The following ZNF385D variants were observed in gnomAD, a reference collection of about 807,000 sequenced individuals.
The protein encoded by ZNF385D is zinc finger protein 385D, also known as zinc finger protein 659.
In ZNF385D, 15 loss-of-function variants were observed where a neutral mutation model predicts 35.8. The observed-to-expected ratio is 0.42, with a 90% CI of 0.28 to 0.64. The LOEUF is 0.64. ZNF385D is among the 30% of genes least tolerant of loss of function. The pLI is 0.23. For synonymous variants in ZNF385D, 212 were observed against 186.8 expected, an observed-to-expected ratio of 1.13 and a Z score of -1.10; for missense variants, 474 against 494.6, an observed-to-expected ratio of 0.96 and a Z score of 0.39.
intron 1 of ZNF385D, among the ~76,000 whole-genome samples, chr3:21,744,606 C>T (rs867406154): frequency 1.3e-5 from 2 of 152,086 alleles, no homozygotes; most frequent in African/African-American, 4.8e-5. Context: ...AAAGTGAAAG[C>T]TGAAAACTGA....
chr3:21,993,684 G>A (rs557364942), intron 3 of ZNF385D, among the ~76,000 whole-genome samples: 1 of 152,186 alleles, frequency 6.6e-6, no homozygotes, highest in South Asian at 2.1e-4. Flanking sequence ...TGAAAATTAA[G>A]TTTTGCTGGG....
At chr3:21,927,942 G>C (rs1446256045) in intron 3 of ZNF385D, among the ~76,000 whole-genome samples, 6 of 152,088 alleles carry the variant, frequency 3.9e-5, no homozygotes, top group African/African-American at 1.4e-4. Context: ...AAATCACATT[G>C]GCTAGACATG....
chr3:21,621,500 G>T (rs1412455576), intron 2 of ZNF385D, among the ~76,000 whole-genome samples: 1 of 150,310 alleles, frequency 6.7e-6, no homozygotes, highest in East Asian at 2.0e-4. Flanking sequence ...TGTTGACAAG[G>T]CATTGAGCAA....
chr3:21,997,169 T>TA (rs1695516574), intron 3 of ZNF385D, among the ~76,000 whole-genome samples: 1 of 151,968 alleles, frequency 6.6e-6, no homozygotes, highest in African/African-American at 2.4e-5. Flanking sequence ...TATGCAGCTG[T>TA]AAAAAAGGGT....
chr3:21,467,957 G>A (rs551114435), intron 4 of ZNF385D, among the ~76,000 whole-genome samples: 7 of 152,118 alleles, frequency 4.6e-5, no homozygotes, highest in African/African-American at 1.7e-4. Flanking sequence ...GCAAAAATAG[G>A]TACAAATAAG....
chr3:21,753,233 T>C (rs1248353646), upstream of ZNF385D, among the ~76,000 whole-genome samples: 1 of 152,240 alleles, frequency 6.6e-6, no homozygotes, highest in Non-Finnish European at 1.5e-5. Flanking sequence ...ACTTTCTTAA[T>C]GATGTGATGA....
chr3:21,842,101 T>C (rs1038964389), intron 3 of ZNF385D, among the ~76,000 whole-genome samples: 7 of 151,944 alleles, frequency 4.6e-5, no homozygotes, highest in African/African-American at 1.4e-4. Context: ...TATATGTTAT[T>C]TTAAAGCTGC....
intron 4 of ZNF385D, among the ~76,000 whole-genome samples, chr3:21,446,900 A>C (rs1196364869): frequency 6.6e-6 from 1 of 152,112 alleles, no homozygotes; most frequent in Non-Finnish European, 1.5e-5. Flanking sequence ...AACCTAAATA[A>C]CCTTCTATTG....
chr3:22,032,740 C>A (rs1040031048), intron 3 of ZNF385D, among the ~76,000 whole-genome samples: 6 of 152,088 alleles, frequency 3.9e-5, no homozygotes, highest in Non-Finnish European at 7.4e-5. Context: ...ATGGGGTCGG[C>A]TGAAAAACAA....
intron 4 of ZNF385D, among the ~76,000 whole-genome samples, chr3:21,499,526 G>A (rs868453981): frequency 6.6e-5 from 10 of 151,758 alleles, no homozygotes; most frequent in African/African-American, 2.4e-4. Context: ...TACATATTGG[G>A]TACTATGCTC....
At chr3:22,168,614 C>A (rs1706489017) in intron 3 of ZNF385D, 1 of 179,782 alleles carries the variant, frequency 5.6e-6, no homozygotes, top group Non-Finnish European at 1.1e-5. Flanking sequence ...AGGTCACAAC[C>A]CTAATACAAT....
intron 1 of ZNF385D, among the ~76,000 whole-genome samples, chr3:21,718,083 G>C (rs1165577620): frequency 1.3e-5 from 2 of 152,132 alleles, no homozygotes; most frequent in Non-Finnish European, 2.9e-5. Context: ...CTGGTGTTGG[G>C]ACTGCACTTT....
At chr3:21,911,130 A>G (rs992397641) in intron 3 of ZNF385D, among the ~76,000 whole-genome samples, 2 of 151,956 alleles carry the variant, frequency 1.3e-5, no homozygotes, top group African/African-American at 2.4e-5. Context: ...TGGCTCTTCC[A>G]AAATGCAAAA....
At chr3:21,869,870 C>A (rs1254986858) in intron 3 of ZNF385D, among the ~76,000 whole-genome samples, 1 of 151,930 alleles carries the variant, frequency 6.6e-6, no homozygotes, top group Non-Finnish European at 1.5e-5. Context: ...AGGTGTGGTT[C>A]TCTTAAACAT....
intron 3 of ZNF385D, among the ~76,000 whole-genome samples, chr3:21,968,567 C>T (rs1351878770): frequency 6.6e-6 from 1 of 152,078 alleles, no homozygotes; most frequent in African/African-American, 2.4e-5. Flanking sequence ...ATCTTGAATA[C>T]CCGTTTCAGG....
At chr3:22,366,589 A>C (rs1298425426) in intron 2 of ZNF385D, among the ~76,000 whole-genome samples, 1 of 152,154 alleles carries the variant, frequency 6.6e-6, no homozygotes, top group East Asian at 1.9e-4. Context: ...GTCTTTTCAC[A>C]CATCTTGCAT....
chr3:21,661,625 G>C (rs2066240341), intron 2 of ZNF385D, among the ~76,000 whole-genome samples: 3 of 152,186 alleles, frequency 2.0e-5, no homozygotes, highest in South Asian at 2.1e-4. Context: ...TAAAGGGCAG[G>C]CTGGGAAATA....
intron 2 of ZNF385D, among the ~76,000 whole-genome samples, chr3:21,632,298 TA>T (rs957708874): frequency 2.0e-5 from 3 of 152,082 alleles, no homozygotes; most frequent in Admixed American, 1.3e-4. Context: ...AGAAAGGAGC[TA>T]GACCATAAGG....
intron 2 of ZNF385D, among the ~76,000 whole-genome samples, chr3:22,248,657 T>A (rs906085573): frequency 1.4e-4 from 22 of 152,138 alleles, no homozygotes; most frequent in African/African-American, 4.6e-4. Context: ...AATCTCTTCT[T>A]CCATAACTCT....
Sources: gnomAD v4.1 joint callset for allele counts (sites outside exome capture counted in the v4.1 genomes callset) on GRCh38, gnomAD v4.1.1 for gene constraint, MANE v1.5 for transcripts, NCBI Gene and HGNC (gene_info 2026-07-23, HGNC 2026-07-21) for gene names.